CSMD3: variants seen among roughly 807,000 people sequenced by gnomAD.
CSMD3 encodes CUB and Sushi multiple domains 3, also known as CUB and sushi domain-containing protein 3.
CSMD3 carries 177 observed loss-of-function variants against 435.2 expected under a neutral mutation model. The observed-to-expected ratio is 0.41, with a 90% confidence interval of 0.36 to 0.46. The LOEUF (loss-of-function observed/expected upper bound fraction) is 0.46, where lower values mean the gene tolerates loss of function less well. CSMD3 is among the 20% of genes least tolerant of loss of function. The pLI is 0.34. For synonymous variants in CSMD3, 1,656 were observed against 1,520.5 expected (o/e 1.09, Z -2.07); for missense variants, 4,265 against 4,504.6 (o/e 0.95, Z 1.52).
chr8:112,894,291 G>A (rs1014468159), intron 10 of CSMD3, among the ~76,000 whole-genome samples: 1 of 151,458 alleles, frequency 6.6e-6, no homozygotes, highest in Non-Finnish European at 1.5e-5. Flanking sequence ...GGTAAATGAT[G>A]CAAGCTCTGA....
At chr8:113,268,299 G>A (rs899613936) in intron 3 of CSMD3, among the ~76,000 whole-genome samples, 5 of 151,714 alleles carry the variant, frequency 3.3e-5, no homozygotes, top group South Asian at 2.1e-4. Flanking sequence ...ATGGTTATAC[G>A]ACTATTAAAC....
intron 16 of CSMD3, among the ~76,000 whole-genome samples, chr8:112,673,323 T>C (rs2075699935): frequency 6.6e-6 from 1 of 151,528 alleles, no homozygotes; most frequent in South Asian, 2.1e-4. Flanking sequence ...GACAGAAACA[T>C]GGTAATTAAG....
Position 113,306,622 on chromosome 8 carries a change from G to T in CSMD3, c.401+7949C>A, listed in dbSNP as rs1202468862. The stretch of plus-strand genomic sequence containing the variant: ...AGTATAGTGAGGAAAGATTTTAATT[G>T]TGAGTATTAGGAAGTTCTATGGGAC... On this transcript the variant is annotated intron_variant, in intron 2 of 70. Coordinates refer to ENST00000297405, the MANE Select transcript of CSMD3 (RefSeq NM_198123.2). Among the ~76,000 whole-genome samples the T allele has an allele frequency of 5.3e-5, 8 of 152,250 alleles. No homozygotes were observed. The South Asian group carries it at 1.7e-3, about 32-fold the overall frequency.
At position 112,335,396 on chromosome 8, in the gene CSMD3, T is replaced by C. The variant is rs372256988; in HGVS notation, c.7098A>G (p.Ser2366=). The C allele has an allele frequency of 6.5e-5, 105 of 1,613,830 alleles. No homozygotes were observed. In the Admixed American group the frequency reaches 1.8e-3, roughly 27 times the overall value. The change falls in exon 45 of 71, where the codon TCA becomes TCG. Residue 2366 remains serine, a synonymous_variant. Coordinates refer to ENST00000297405, the MANE Select transcript of CSMD3 (RefSeq NM_198123.2). ...TGTGGAATTTGATTAGAATCTGATT[T>C]GAAGTACTGTAGACTGATTCCAAAG... ...NTALESVYST[S]NQILIKFHSD...
At chr8:113,042,508 T>C (rs2087665805) in intron 5 of CSMD3, among the ~76,000 whole-genome samples, 2 of 152,296 alleles carry the variant, frequency 1.3e-5, no homozygotes, top group South Asian at 2.1e-4. Context: ...TAATATAATC[T>C]AACGTTATAA....
chr8:112,536,890 A>G (rs944943459), intron 27 of CSMD3, among the ~76,000 whole-genome samples: 4 of 152,018 alleles, frequency 2.6e-5, no homozygotes, highest in South Asian at 2.1e-4. Context: ...GAAATTGGAA[A>G]TCATCATTCT....
chr8:113,092,308 C>G (rs1415236591), intron 5 of CSMD3, among the ~76,000 whole-genome samples: 2 of 151,966 alleles, frequency 1.3e-5, no homozygotes, highest in African/African-American at 4.8e-5. Flanking sequence ...TAAACATAAA[C>G]ACACACATAT....
At chr8:112,412,460 G>C (rs1260692660) in intron 32 of CSMD3, among the ~76,000 whole-genome samples, 1 of 151,932 alleles carries the variant, frequency 6.6e-6, no homozygotes, top group Non-Finnish European at 1.5e-5. Context: ...ATTTCAAAAC[G>C]ATTTTGCTCT....
chr8:113,407,154 A>T (rs955579662), intron 1 of CSMD3, among the ~76,000 whole-genome samples: 1 of 152,194 alleles, frequency 6.6e-6, no homozygotes, highest in Non-Finnish European at 1.5e-5. Context: ...GAAGTCTTCC[A>T]CTTATGTTAG....
intron 22 of CSMD3, among the ~76,000 whole-genome samples, chr8:112,594,990 C>A (rs1335240259): frequency 2.0e-5 from 3 of 152,114 alleles, no homozygotes; most frequent in Admixed American, 6.5e-5. Flanking sequence ...AGTTCCTCAC[C>A]AGCAATGGAA....
chr8:113,098,216 G>C (rs563253792), intron 5 of CSMD3, among the ~76,000 whole-genome samples: 2 of 151,972 alleles, frequency 1.3e-5, no homozygotes, highest in East Asian at 3.9e-4. Flanking sequence ...CTCAGTTACT[G>C]AATCATAATC....
intron 22 of CSMD3, among the ~76,000 whole-genome samples, chr8:112,588,542 T>C (rs1339100613): frequency 6.6e-6 from 1 of 152,024 alleles, no homozygotes; most frequent in African/African-American, 2.4e-5. Context: ...AAAAAATAGA[T>C]ATGTCCTTAT....
chr8:113,176,483 T>A (rs2092348247), intron 3 of CSMD3, among the ~76,000 whole-genome samples: 1 of 152,138 alleles, frequency 6.6e-6, no homozygotes, highest in South Asian at 2.1e-4. Flanking sequence ...CAAAAAAGAT[T>A]ATGTTCTGAT....
In CSMD3 at chr8:112,490,907, A is replaced by G. The variant is rs529624948; in HGVS notation, c.5278+1582T>C. On this transcript the variant is annotated intron_variant, in intron 31 of 70. Coordinates refer to ENST00000297405, the MANE Select transcript of CSMD3 (RefSeq NM_198123.2). ...CACTTTTTCTCTCTTTGGAACAATT[A>G]ATCCCAAAGTAGTTATTACTCTATT... 2.0e-5 allele frequency among the ~76,000 whole-genome samples: 3 copies of G among 152,278 alleles called. No individual in the cohort carries two copies. In the East Asian group the frequency reaches 5.8e-4, roughly 29 times the overall value.
At chr8:112,225,084 T>G (rs1477914555) in intron 70 of CSMD3, among the ~76,000 whole-genome samples, 154 bp from the exon 71 acceptor site, 1 of 152,214 alleles carries the variant, frequency 6.6e-6, no homozygotes, top group Non-Finnish European at 1.5e-5. Context: ...AACAATTTCC[T>G]TGTTACTTTA....
At chr8:113,043,188 T>C (rs1167090437) in intron 5 of CSMD3, among the ~76,000 whole-genome samples, 1 of 152,196 alleles carries the variant, frequency 6.6e-6, no homozygotes, top group Non-Finnish European at 1.5e-5. Flanking sequence ...AATACAAACA[T>C]GCAGGGTCTG....
rs571712416 is a variant in CSMD3, at chr8:113,119,213, G to A, written c.710-20250C>T. 7.9e-5 allele frequency among the ~76,000 whole-genome samples: 12 copies of A among 152,124 alleles called. 1 individual carries two copies. The South Asian group carries it at 1.0e-3, about 13-fold the overall frequency. ...GGAGAAAGCAGATTTTTAATAAAAC[G>A]TTATATAGACTAGACAATTTGGTAA... is the stretch of plus-strand genomic sequence containing the variant. On this transcript the variant is annotated intron_variant, in intron 4 of 70. Coordinates refer to ENST00000297405, the MANE Select transcript of CSMD3 (RefSeq NM_198123.2).
intron 19 of CSMD3, among the ~76,000 whole-genome samples, chr8:112,646,382 GTT>G (rs2074980551): frequency 6.6e-6 from 1 of 151,554 alleles, no homozygotes; most frequent in Non-Finnish European, 1.5e-5. Flanking sequence ...ATATCTGTGT[GTT>G]TGTGTGTGTG....
At chr8:112,513,492 GCACCC>G (rs1277055847) in intron 28 of CSMD3, among the ~76,000 whole-genome samples, 3 of 152,010 alleles carry the variant, frequency 2.0e-5, no homozygotes, top group Non-Finnish European at 2.9e-5. Context: ...TTTGTTTGTG[GCACCC>G]CAAAACAATT....
Sources: gnomAD v4.1 joint callset for allele counts (sites outside exome capture counted in the v4.1 genomes callset) on GRCh38, gnomAD v4.1.1 for gene constraint, MANE v1.5 for transcripts, NCBI Gene and HGNC (gene_info 2026-07-23, HGNC 2026-07-21) for gene names.